The following CAMTA1 variants were observed in gnomAD, a reference collection of about 807,000 sequenced individuals.
CAMTA1 encodes the protein calmodulin binding transcription activator 1.
Under a neutral mutation model 170.9 loss-of-function variants are expected in CAMTA1, and 27 were observed. The ratio of observed to expected loss-of-function variants is 0.16; its 90% CI spans 0.12 to 0.22. CAMTA1 has a LOEUF of 0.22. CAMTA1 is among the 10% of genes least tolerant of loss of function. The pLI is 1.00. For missense variants in CAMTA1, 1,619 were observed against 2,217.2 expected (o/e 0.73, Z 5.42); for synonymous variants, 833 against 891.5 (o/e 0.93, Z 1.17).
At chr1:7,425,468 G>A (rs977384556) in intron 5 of CAMTA1, among the ~76,000 whole-genome samples, 3 of 152,150 alleles carry the variant, frequency 2.0e-5, no homozygotes, top group African/African-American at 7.2e-5. Flanking sequence ...CAGTCCTCTA[G>A]GAGTTTGTCT....
intron 3 of CAMTA1, among the ~76,000 whole-genome samples, chr1:6,838,842 A>G (rs1245908284): frequency 2.6e-5 from 4 of 152,092 alleles, no homozygotes; most frequent in African/African-American, 7.2e-5. Flanking sequence ...CTGCAGCTTC[A>G]AATTCCTGGA....
chr1:7,520,605 G>T (rs1474440894), intron 6 of CAMTA1, among the ~76,000 whole-genome samples: 1 of 151,924 alleles, frequency 6.6e-6, no homozygotes, highest in African/African-American at 2.4e-5. Flanking sequence ...CCTTGCTAGG[G>T]TGGCTGCCCC....
intron 1 of CAMTA1, among the ~76,000 whole-genome samples, chr1:6,803,528 C>T (rs1644140529): frequency 6.6e-6 from 1 of 152,172 alleles, no homozygotes; most frequent in Non-Finnish European, 1.5e-5. Flanking sequence ...GGGCTACTAG[C>T]CTGCGCACCG....
chr1:6,819,391 T>C (rs1255673140), intron 1 of CAMTA1, among the ~76,000 whole-genome samples: 1 of 152,150 alleles, frequency 6.6e-6, no homozygotes, highest in Non-Finnish European at 1.5e-5. Context: ...CCAGAGACCT[T>C]GTTTCTTTCC....
Position 7,602,080 on chromosome 1 carries a change from TTTCCTTCCTTCCTTCCTTCCTTCCTTCC to T in CAMTA1, c.511-38282_511-38255del, listed in dbSNP as rs757245897. Among the ~76,000 whole-genome samples, 8 of 71,066 alleles carry T rather than the reference TTTCCTTCCTTCCTTCCTTCCTTCCTTCC, an allele frequency of 1.1e-4. 1 individual carries two copies. The highest frequency in any genetic ancestry group is 3.5e-4 in the African/African-American group (6 of 17,254). The allele number at this position is 71,066 out of a possible 152,430, so 46.6% of individuals were successfully genotyped here. ...GAGAGGAGGAGCCTTTCCAATTTTC[TTTCCTTCCTTCCTTCCTTCCTTCCTTCC>T]TTCCTTCCTTCCTTCCTTCCTTCCT... On this transcript the variant is annotated intron_variant, in intron 6 of 22. Coordinates refer to ENST00000303635, the MANE Select transcript of CAMTA1 (RefSeq NM_015215.4).
Position 7,307,929 on chromosome 1 carries a change from A to T in CAMTA1, c.438+58303A>T, listed in dbSNP as rs1457242304. Among the ~76,000 whole-genome samples, 4 of 151,876 alleles carry T rather than the reference A, an allele frequency of 2.6e-5. No individual in the cohort carries two copies. The East Asian group carries it at 7.7e-4, about 29-fold the overall frequency. ...GAAGAGTTTGTGTAAAATTGATACT[A>T]TTTCTTCTTTAAACATTTAGTAAAA... On this transcript the variant is annotated intron_variant, in intron 5 of 22. Coordinates refer to ENST00000303635, the MANE Select transcript of CAMTA1 (RefSeq NM_015215.4).
chr1:7,110,273 C>T (rs376882531), intron 4 of CAMTA1, among the ~76,000 whole-genome samples: 7 of 151,818 alleles, frequency 4.6e-5, no homozygotes, highest in East Asian at 1.9e-4. Context: ...TCAGCACCCC[C>T]CTTCCCCCCT....
At chr1:7,625,459 G>A (rs2095627106) in intron 6 of CAMTA1, among the ~76,000 whole-genome samples, 1 of 152,254 alleles carries the variant, frequency 6.6e-6, no homozygotes, top group African/African-American at 2.4e-5. Flanking sequence ...GATGCTTAGA[G>A]TTGCCCCTGC....
Position 6,839,213 on chromosome 1 carries a change from C to T in CAMTA1, c.234+14003C>T, listed in dbSNP as rs185186116. Among the ~76,000 whole-genome samples the T allele has an allele frequency of 2.5e-3, 373 of 151,748 alleles. 1 individual carries two copies. The highest frequency in any genetic ancestry group is 8.7e-3 in the African/African-American group (361 of 41,400). On this transcript the variant is annotated intron_variant, in intron 3 of 22. Transcript: ENST00000303635. ...CTGGCTAACATGGTGAAACCCTGTT[C>T]CTACTAAAAATACAATAAATTAGCT...
At chr1:7,445,088 G>A (rs952255128) in intron 5 of CAMTA1, among the ~76,000 whole-genome samples, 9 of 151,656 alleles carry the variant, frequency 5.9e-5, no homozygotes, top group Admixed American at 2.0e-4. Context: ...TGTGCCTCAG[G>A]TGGGAGGTGG....
chr1:7,190,787 A>G (rs1242154200), intron 4 of CAMTA1, among the ~76,000 whole-genome samples: 2 of 152,196 alleles, frequency 1.3e-5, no homozygotes, highest in African/African-American at 2.4e-5. Context: ...GCGTACTGGG[A>G]GGCAGACTCC....
chr1:6,932,469 G>T (rs1482185710), intron 3 of CAMTA1, among the ~76,000 whole-genome samples: 4 of 152,168 alleles, frequency 2.6e-5, no homozygotes, highest in Admixed American at 1.3e-4. Flanking sequence ...AAATAAAGCT[G>T]CTGTGAACAT....
chr1:7,426,029 A>G lies in CAMTA1; in HGVS notation c.439-41801A>G, dbSNP rs565753179. Among the ~76,000 whole-genome samples, 92 of 152,250 alleles carry G rather than the reference A, an allele frequency of 6.0e-4. No individual in the cohort carries two copies. The highest frequency in any genetic ancestry group is 2.1e-3 in the African/African-American group (87 of 41,526). ...GTGACTGGCACTACACATGCTTGAG[A>G]TCACAGGTGAGCTGCGGTCCTGGAA... On this transcript the variant is annotated intron_variant, in intron 5 of 22. Coordinates refer to ENST00000303635, the MANE Select transcript of CAMTA1 (RefSeq NM_015215.4). The surrounding 1 kb of genome is among the most constrained non-coding windows in gnomAD (Gnocchi z 4.8).
chr1:7,611,538 C>T (rs537167606), intron 6 of CAMTA1, among the ~76,000 whole-genome samples: 1 of 152,328 alleles, frequency 6.6e-6, no homozygotes, highest in African/African-American at 2.4e-5. Flanking sequence ...CTGAGCCTGA[C>T]CCGGGTGGGT....
chr1:7,347,429 G>A (rs1308142188), intron 5 of CAMTA1, among the ~76,000 whole-genome samples: 12 of 152,188 alleles, frequency 7.9e-5, no homozygotes, highest in Admixed American at 7.9e-4. Context: ...CTTTGGCTTT[G>A]ATTTGTAAAG....
Position 6,987,889 on chromosome 1 carries a change from G to C in CAMTA1, c.235-103415G>C, listed in dbSNP as rs550605829. On this transcript the variant is annotated intron_variant, in intron 3 of 22. Transcript: ENST00000303635. ...GCCCACCCCAGCCTCATGGTCCCCA[G>C]GTGGGCATCATCCGCAGCAAGAGCC... 3.3e-5 allele frequency among the ~76,000 whole-genome samples: 5 copies of C among 152,178 alleles called. No homozygotes were observed. In the South Asian group the frequency reaches 1.0e-3, roughly 32 times the overall value.
chr1:7,676,715 C>T (rs993273385), intron 10 of CAMTA1, among the ~76,000 whole-genome samples: 11 of 152,190 alleles, frequency 7.2e-5, no homozygotes, highest in Non-Finnish European at 1.5e-4. Flanking sequence ...AGACATCTGC[C>T]AGGGATGAGG....
intron 6 of CAMTA1, among the ~76,000 whole-genome samples, chr1:7,543,588 C>T (rs1298242457): frequency 1.3e-5 from 2 of 152,140 alleles, no homozygotes; most frequent in East Asian, 1.9e-4. Flanking sequence ...TCCTGGAAAA[C>T]GCAGCATTTC....
chr1:7,579,552 CTTTTTTTTT>C (rs3034816), intron 6 of CAMTA1, among the ~76,000 whole-genome samples: 3 of 79,198 alleles, frequency 3.8e-5, no homozygotes, highest in African/African-American at 5.9e-5. Flanking sequence ...CTTTTCTTTT[CTTTTTTTTT>C]TTTTTTTTTT....
Sources: allele counts gnomAD v4.1 joint callset (sites outside exome capture counted in the v4.1 genomes callset), GRCh38; gene constraint gnomAD v4.1.1; non-coding constraint Gnocchi (gnomAD v3.1); transcripts MANE v1.5; gene names NCBI Gene and HGNC (gene_info 2026-07-23, HGNC 2026-07-21).